THSD7B: variants seen among roughly 807,000 people sequenced by gnomAD.
THSD7B encodes the protein thrombospondin type 1 domain containing 7B, also known as thrombospondin type-1 domain-containing protein 7B.
Under a neutral mutation model 213.6 loss-of-function variants are expected in THSD7B, and 138 were observed. The ratio of observed to expected loss-of-function variants is 0.65; its 90% confidence interval spans 0.56 to 0.74. The LOEUF (loss-of-function observed/expected upper bound fraction) is 0.74, where lower values mean the gene tolerates loss of function less well. Ranked by LOEUF, THSD7B falls within the 30% of genes least tolerant of loss-of-function variation. The pLI is 0.00. For missense variants in THSD7B, 1,931 were observed against 1,991.5 expected, an observed-to-expected ratio of 0.97 and a Z score of 0.58; for synonymous variants, 742 against 687.0, an observed-to-expected ratio of 1.08 and a Z score of -1.25.
intron 15 of THSD7B, among the ~76,000 whole-genome samples, chr2:137,453,477 C>T (rs1687696281): frequency 6.6e-6 from 1 of 151,724 alleles, no homozygotes; most frequent in Admixed American, 6.6e-5. Flanking sequence ...CTACAGGCTT[C>T]TGCCACCACG....
chr2:136,900,861 A>G (rs1213248160), intron 2 of THSD7B, among the ~76,000 whole-genome samples: 3 of 152,210 alleles, frequency 2.0e-5, no homozygotes, highest in African/African-American at 7.2e-5. Context: ...CTTGAAGTCA[A>G]TGAGTTTTGC....
chr2:137,536,735 T>C (rs1320763557), intron 15 of THSD7B, among the ~76,000 whole-genome samples: 1 of 151,526 alleles, frequency 6.6e-6, no homozygotes, highest in African/African-American at 2.4e-5. Context: ...ACTTAGCACA[T>C]CATAATACAT....
chr2:136,797,467 A>G (rs1201325032), intron 1 of THSD7B, among the ~76,000 whole-genome samples: 1 of 151,996 alleles, frequency 6.6e-6, no homozygotes, highest in Non-Finnish European at 1.5e-5. Context: ...GTGAAGTCTT[A>G]CTAGTGCAGA....
chr2:136,878,363 T>G (rs1414764246), intron 1 of THSD7B, among the ~76,000 whole-genome samples: 1 of 152,224 alleles, frequency 6.6e-6, no homozygotes, highest in Non-Finnish European at 1.5e-5. Context: ...TTGTAAATAG[T>G]GCCACAATAA....
intron 12 of THSD7B, among the ~76,000 whole-genome samples, chr2:137,277,463 G>A (rs1437062023): frequency 1.3e-5 from 2 of 151,818 alleles, no homozygotes; most frequent in African/African-American, 4.8e-5. Flanking sequence ...TTCAATTTTA[G>A]GATTATGGAA....
chr2:137,121,458 A>G (rs1361756951), intron 5 of THSD7B, among the ~76,000 whole-genome samples: 1 of 152,226 alleles, frequency 6.6e-6, no homozygotes, highest in East Asian at 1.9e-4. Context: ...TAACATGACT[A>G]AACTGAAAAT....
chr2:137,288,029 T>C (rs1050192767), intron 12 of THSD7B, among the ~76,000 whole-genome samples: 1 of 152,144 alleles, frequency 6.6e-6, no homozygotes, highest in African/African-American at 2.4e-5. Context: ...ATTCCTAAGG[T>C]CAGGGTATTC....
chr2:137,426,855 G>A (rs1573619165), intron 14 of THSD7B, among the ~76,000 whole-genome samples: 1 of 151,970 alleles, frequency 6.6e-6, no homozygotes, highest in Non-Finnish European at 1.5e-5. Context: ...AAATGAAGAG[G>A]CATCCCATGG....
chr2:137,334,330 A>G (rs1684589568), intron 12 of THSD7B, among the ~76,000 whole-genome samples: 1 of 152,104 alleles, frequency 6.6e-6, no homozygotes, highest in Admixed American at 6.6e-5. Flanking sequence ...TCCTCAGCTC[A>G]TCCCAGCTCA....
intron 3 of THSD7B, among the ~76,000 whole-genome samples, chr2:137,071,195 C>A (rs1687480413): frequency 6.6e-6 from 1 of 152,146 alleles, no homozygotes; most frequent in South Asian, 2.1e-4. Context: ...TAAAAGTATT[C>A]CTGTTTCTCC....
rs146546875 is a variant in THSD7B at position 137,180,944 on chromosome 2, A to G, written c.1723+10006A>G. 8.5e-5 allele frequency among the ~76,000 whole-genome samples: 13 copies of G among 152,262 alleles called. No homozygotes were observed. The East Asian group carries it at 2.3e-3, about 27-fold the overall frequency. ...GCTAGACTCATGAAACCTATTCCTA[A>G]CCATACACTAAGCATGTTGCCTTTT... is the stretch of plus-strand genomic sequence containing the variant. On this transcript the variant is annotated intron_variant, in intron 7 of 27. Transcript: ENST00000409968.
intron 7 of THSD7B, among the ~76,000 whole-genome samples, chr2:137,183,431 G>A (rs1370687671): frequency 2.0e-5 from 3 of 152,110 alleles, no homozygotes; most frequent in Non-Finnish European, 2.9e-5. Context: ...CTGCAAGAGT[G>A]GAGTGTCTGG....
intron 10 of THSD7B, among the ~76,000 whole-genome samples, chr2:137,247,848 A>G (rs962754044): frequency 5.9e-5 from 9 of 152,112 alleles, no homozygotes; most frequent in Non-Finnish European, 1.2e-4. Context: ...TTCAAATCTC[A>G]TCTCTGCCAT....
intron 2 of THSD7B, among the ~76,000 whole-genome samples, chr2:136,902,655 C>T (rs1684082740): frequency 6.6e-6 from 1 of 152,168 alleles, no homozygotes; most frequent in Non-Finnish European, 1.5e-5. Flanking sequence ...ACAATCTAAA[C>T]AGTAGAAAGT....
At chr2:136,901,557 T>G (rs1471342877) in intron 2 of THSD7B, among the ~76,000 whole-genome samples, 1 of 152,240 alleles carries the variant, frequency 6.6e-6, no homozygotes, top group African/African-American at 2.4e-5. Flanking sequence ...AGAAGAATTT[T>G]ATAGCTATTT....
intron 3 of THSD7B, among the ~76,000 whole-genome samples, chr2:137,092,718 C>T (rs1298069181): frequency 6.6e-6 from 1 of 151,970 alleles, no homozygotes; most frequent in East Asian, 1.9e-4. Context: ...CACTATAGCC[C>T]CCTCCTCCCA....
chr2:137,047,864 C>G (rs575977823), intron 2 of THSD7B, among the ~76,000 whole-genome samples: 1 of 152,124 alleles, frequency 6.6e-6, no homozygotes, highest in Non-Finnish European at 1.5e-5. Context: ...TGGAGTGTCT[C>G]AAGACTATAT....
chr2:137,080,012 T>A (rs1687710398), intron 3 of THSD7B, among the ~76,000 whole-genome samples: 1 of 152,066 alleles, frequency 6.6e-6, no homozygotes. Context: ...GCTAATTTTT[T>A]TGTATTTTTA....
chr2:137,585,465 T>G (rs1681701532), intron 17 of THSD7B, among the ~76,000 whole-genome samples: 2 of 152,298 alleles, frequency 1.3e-5, no homozygotes, highest in East Asian at 3.9e-4. Flanking sequence ...TGCTTTCTCT[T>G]GTGGGCATTT....
Sources: allele counts gnomAD v4.1 joint callset (sites outside exome capture counted in the v4.1 genomes callset), GRCh38; gene constraint gnomAD v4.1.1; transcripts MANE v1.5; gene names NCBI Gene and HGNC (gene_info 2026-07-23, HGNC 2026-07-21).